The following SHANK2 variants were observed in gnomAD, a reference collection of about 807,000 sequenced individuals.
SHANK2 encodes SH3 and multiple ankyrin repeat domains protein 2.
In SHANK2, 43 loss-of-function variants were observed where a neutral mutation model predicts 133.7. The observed-to-expected ratio is 0.32, with a 90% CI of 0.25 to 0.41. The LOEUF is 0.41. Ranked by LOEUF, SHANK2 falls within the 10% of genes least tolerant of loss-of-function variation. The pLI is 1.00. For missense variants in SHANK2, 1,994 were observed against 2,235.8 expected (o/e 0.89, Z 2.18); for synonymous variants, 1,017 against 952.8 (o/e 1.07, Z -1.24).
At chr11:71,091,914 G>A (rs898377131) in intron 8 of SHANK2, among the ~76,000 whole-genome samples, 10 of 152,188 alleles carry the variant, frequency 6.6e-5, no homozygotes, top group Non-Finnish European at 1.5e-4. Flanking sequence ...GGAGACAGCC[G>A]GTGAAATCTG....
chr11:70,537,990 A>G (rs1387557241), intron 17 of SHANK2, among the ~76,000 whole-genome samples: 1 of 152,236 alleles, frequency 6.6e-6, no homozygotes. Flanking sequence ...CATGAGTGTC[A>G]CAAAACAGTG....
intron 3 of SHANK2, among the ~76,000 whole-genome samples, chr11:71,131,008 C>A (rs1555103578): frequency 6.6e-6 from 1 of 152,234 alleles, no homozygotes; most frequent in East Asian, 1.9e-4. Context: ...TCAAGTTCTG[C>A]ATGATGCATT....
intron 13 of SHANK2, among the ~76,000 whole-genome samples, chr11:70,802,278 A>C (rs1407530554): frequency 6.6e-6 from 1 of 152,164 alleles, no homozygotes; most frequent in Non-Finnish European, 1.5e-5. Context: ...CAGTGGGGAT[A>C]AGCTTGTTGG....
intron 17 of SHANK2, among the ~76,000 whole-genome samples, chr11:70,620,921 AG>A (rs2060821069): frequency 6.6e-6 from 1 of 152,326 alleles, no homozygotes. Context: ...TGCTTGTTTA[AG>A]CCCCCTGGTC....
chr11:70,885,652 G>A (rs1210102747), intron 11 of SHANK2, among the ~76,000 whole-genome samples: 2 of 152,132 alleles, frequency 1.3e-5, no homozygotes, highest in Admixed American at 1.3e-4. Context: ...GATGCATGCT[G>A]GGCAGGAGCT....
At chr11:70,552,239 G>A (rs1554978303) in intron 17 of SHANK2, among the ~76,000 whole-genome samples, 2 of 152,136 alleles carry the variant, frequency 1.3e-5, no homozygotes, top group African/African-American at 4.8e-5. Context: ...GCGAACAAAC[G>A]CACACAGGCG....
At chr11:71,059,250 TAGAG>T (rs1379058268) in intron 9 of SHANK2, among the ~76,000 whole-genome samples, 1 of 151,922 alleles carries the variant, frequency 6.6e-6, no homozygotes, top group Non-Finnish European at 1.5e-5. Context: ...AAAATAAAAA[TAGAG>T]AGCTGAAAAT....
intron 14 of SHANK2, among the ~76,000 whole-genome samples, chr11:70,733,250 C>T (rs1946327580): frequency 6.6e-6 from 1 of 151,904 alleles, no homozygotes; most frequent in Admixed American, 6.6e-5. Context: ...GAAGGGCATC[C>T]CAGGAAGGAG....
intron 17 of SHANK2, among the ~76,000 whole-genome samples, chr11:70,553,719 A>T (rs2059797244): frequency 6.6e-6 from 1 of 152,214 alleles, no homozygotes; most frequent in Non-Finnish European, 1.5e-5. Context: ...GCAGAACAAG[A>T]CAATGTCAGA....
chr11:70,919,280 A>G (rs59971027), intron 10 of SHANK2, among the ~76,000 whole-genome samples: 6,914 of 151,834 alleles, frequency 0.046, 542 homozygotes, highest in African/African-American at 0.16. Flanking sequence ...TGGTGAGAAC[A>G]CTCAAATTTG....
intron 17 of SHANK2, among the ~76,000 whole-genome samples, chr11:70,644,890 C>T (rs542714191): frequency 6.6e-6 from 1 of 152,298 alleles, no homozygotes; most frequent in South Asian, 2.1e-4. Context: ...TGACCCCAGC[C>T]TGGCAGGGAC....
chr11:70,889,881 G>A (rs1949812902), intron 11 of SHANK2, among the ~76,000 whole-genome samples: 1 of 152,178 alleles, frequency 6.6e-6, no homozygotes, highest in Admixed American at 6.5e-5. Flanking sequence ...GAGAGCAGAG[G>A]AGGCAGACGC....
chr11:71,103,712 T>TA (rs1461649353), intron 6 of SHANK2, among the ~76,000 whole-genome samples: 5 of 152,164 alleles, frequency 3.3e-5, no homozygotes, highest in African/African-American at 9.6e-5. Flanking sequence ...GGTGACTGGA[T>TA]CATGGGGGCA....
chr11:71,233,273 A>G (rs188965246), intron 1 of SHANK2, among the ~76,000 whole-genome samples: 8 of 152,306 alleles, frequency 5.3e-5, no homozygotes, highest in Non-Finnish European at 8.8e-5. Context: ...TTAAAATGGA[A>G]CGTGATTCAG....
At chr11:70,797,289 C>T (rs1318004399) in intron 14 of SHANK2, among the ~76,000 whole-genome samples, 1 of 152,208 alleles carries the variant, frequency 6.6e-6, no homozygotes, top group African/African-American at 2.4e-5. Flanking sequence ...ACACTCCCTC[C>T]CACCCAGCCT....
chr11:70,800,321 G>A (rs60401243), intron 13 of SHANK2, among the ~76,000 whole-genome samples: 1,620 of 152,302 alleles, frequency 0.011, 34 homozygotes, highest in African/African-American at 0.037. Flanking sequence ...CCACTGCGCC[G>A]GTCTGTATCT....
chr11:70,796,955 C>T (rs1949784943), intron 14 of SHANK2, among the ~76,000 whole-genome samples: 1 of 152,182 alleles, frequency 6.6e-6, no homozygotes, highest in African/African-American at 2.4e-5. Flanking sequence ...CGTAAAAGGA[C>T]AGAAAGGAAG....
intron 13 of SHANK2, among the ~76,000 whole-genome samples, chr11:70,800,052 GA>G (rs1222764848): frequency 7.9e-5 from 12 of 151,296 alleles, no homozygotes; most frequent in African/African-American, 2.9e-4. Flanking sequence ...GTTTTTTTTA[GA>G]GGCTTTGTCA....
intron 11 of SHANK2, among the ~76,000 whole-genome samples, chr11:70,828,981 G>A (rs1037598440): frequency 1.3e-5 from 2 of 152,254 alleles, no homozygotes; most frequent in African/African-American, 4.8e-5. Flanking sequence ...GGTGTGGGGA[G>A]AGCCTGCACG....
Sources: allele counts gnomAD v4.1 joint callset (sites outside exome capture counted in the v4.1 genomes callset), GRCh38; gene constraint gnomAD v4.1.1; transcripts MANE v1.5; gene names NCBI Gene and HGNC (gene_info 2026-07-23, HGNC 2026-07-21).